Variants in MYO9B observed in about 807,000 individuals in gnomAD.
MYO9B encodes unconventional myosin-IXb.
MYO9B carries 71 observed loss-of-function variants against 229.5 expected under a neutral mutation model. The ratio of observed to expected loss-of-function variants is 0.31; its 90% CI spans 0.26 to 0.38. The LOEUF (loss-of-function observed/expected upper bound fraction) is 0.38. MYO9B is among the 10% of genes least tolerant of loss of function. The pLI, the probability that MYO9B is intolerant of heterozygous loss-of-function variation, is 1.00. For synonymous variants in MYO9B, 1,185 were observed against 1,235.8 expected (o/e 0.96, Z 0.86); for missense variants, 2,255 against 2,920.5 (o/e 0.77, Z 5.25).
intron 2 of MYO9B, among the ~76,000 whole-genome samples, chr19:17,122,932 C>T (rs2057978880): frequency 6.6e-6 from 1 of 152,084 alleles, no homozygotes; most frequent in Non-Finnish European, 1.5e-5. Context: ...CCTGTCTCTA[C>T]AATAATTAAA....
At chr19:17,202,937 A>G (rs961708988) in intron 29 of MYO9B, 54 bp downstream of exon 29, 5 of 1,567,028 alleles carry the variant, frequency 3.2e-6, no homozygotes, top group Admixed American at 3.7e-5. Flanking sequence ...TGGCAGGAGC[A>G]TGCACGTGTG....
intron 2 of MYO9B, among the ~76,000 whole-genome samples, chr19:17,113,445 C>T (rs1219567290): frequency 6.6e-6 from 1 of 152,190 alleles, no homozygotes; most frequent in Non-Finnish European, 1.5e-5. Context: ...TTCCCCCCTG[C>T]TCGCCCTGCG....
At chr19:17,190,253 G>C (rs1174145530) in intron 19 of MYO9B, among the ~76,000 whole-genome samples, 1 of 151,708 alleles carries the variant, frequency 6.6e-6, no homozygotes, top group East Asian at 2.0e-4. Context: ...GAGTACAGTG[G>C]TGTGATCTCG....
rs2073154882 is a variant in MYO9B at position 17,205,896 on chromosome 19, C to A, written c.5065-64C>A. Reference sequence around the variant, plus strand: ...TGTGCGGGACCAGGAGGCAGAGGCCCCCAGAGACAGCTGGAGAGGAAGACA... The same window carrying A: ...TGTGCGGGACCAGGAGGCAGAGGCCACCAGAGACAGCTGGAGAGGAAGACA... On this transcript the variant is annotated intron_variant, in intron 31 of 39. Transcript: ENST00000682292. 2.7e-6 allele frequency: 4 copies of A among 1,472,736 alleles called. No homozygotes were observed. The East Asian group carries it at 7.0e-5, about 26-fold the overall frequency. 91.2% of individuals were successfully genotyped at this position (1,472,736 alleles called of 1,614,324 possible).
intron 1 of MYO9B, among the ~76,000 whole-genome samples, chr19:17,079,830 G>A (rs989978791): frequency 1.3e-5 from 2 of 152,104 alleles, no homozygotes; most frequent in Admixed American, 1.3e-4. Context: ...CCATTCAGAC[G>A]GCCCCAGGCG....
rs754290603 is a variant in MYO9B at position 17,195,459 on chromosome 19, C to T, written c.4032C>T (p.Ala1344=). 3.1e-6 allele frequency: 5 copies of T among 1,598,482 alleles called. No individual in the cohort carries two copies. The South Asian group carries it at 5.5e-5, about 18-fold the overall frequency. Residue 1344 remains alanine, a synonymous_variant, in exon 22 of 40, where the codon GCC becomes GCT. Coordinates refer to ENST00000682292, the MANE Select transcript of MYO9B (RefSeq NM_004145.4). The surrounding 1 kb of genome is among the most constrained non-coding windows in gnomAD (Gnocchi z 4.5). ...LSDRHRATGA[A]LTPTEERRTS... is the part of the protein sequence containing the mutation. ...ACAGACACCGGGCCACAGGGGCCGC[C>T]CTCACGCCCACAGAGTAAGCCCCAC...
intron 17 of MYO9B, 48 bp from the exon 18 acceptor site, chr19:17,185,873 T>C: frequency 6.7e-7 from 1 of 1,492,596 alleles, no homozygotes; most frequent in Non-Finnish European, 9.3e-7. Flanking sequence ...GAACAGCGGC[T>C]GTCAGGGTCC....
intron 8 of MYO9B, 147 bp from the exon 9 acceptor site, chr19:17,162,203 G>A: frequency 3.2e-6 from 2 of 619,678 alleles, no homozygotes; most frequent in East Asian, 3.0e-5. Context: ...TACTTGGGAG[G>A]CTGAGACAGG....
intron 24 of MYO9B, among the ~76,000 whole-genome samples, chr19:17,198,734 CAA>C (rs59292415): frequency 0.057 from 2,314 of 40,916 alleles, 9 homozygotes; most frequent in South Asian, 0.091. Flanking sequence ...GACTCCGTCT[CAA>C]AAAAAAAAAA....
chr19:17,128,160 T>G (rs1302665375), intron 2 of MYO9B, among the ~76,000 whole-genome samples: 2 of 151,826 alleles, frequency 1.3e-5, no homozygotes, highest in African/African-American at 2.4e-5. Context: ...GAGAATCACT[T>G]GAGCCCAGGA....
intron 1 of MYO9B, among the ~76,000 whole-genome samples, chr19:17,087,149 T>A (rs73518841): frequency 0.023 from 3,568 of 152,178 alleles, 157 homozygotes; most frequent in African/African-American, 0.082. Context: ...GAAGGCAGCC[T>A]CCTCTGAAAC....
chr19:17,182,547 G>A (rs1306248230), intron 15 of MYO9B, among the ~76,000 whole-genome samples: 1 of 151,914 alleles, frequency 6.6e-6, no homozygotes, highest in African/African-American at 2.4e-5. Flanking sequence ...GGGATTACAG[G>A]TGTGCACCAC....
intron 13 of MYO9B, 130 bp downstream of exon 13, chr19:17,173,093 C>T (rs1386200151): frequency 8.9e-6 from 10 of 1,126,754 alleles, no homozygotes; most frequent in Non-Finnish European, 1.3e-5. Context: ...CACCTGTCTA[C>T]CTGAAGTGTT....
intron 15 of MYO9B, among the ~76,000 whole-genome samples, chr19:17,181,274 G>A (rs748850177): frequency 6.6e-6 from 1 of 152,246 alleles, no homozygotes; most frequent in African/African-American, 2.4e-5. Flanking sequence ...CTTCCCAGGA[G>A]CACTCCTTCT....
chr19:17,153,945 T>C, intron 4 of MYO9B, 22 bp from the exon 5 acceptor site: 1 of 1,598,224 alleles, frequency 6.3e-7, no homozygotes, highest in Non-Finnish European at 8.6e-7. Context: ...ACAACTATTT[T>C]CCTCCCAATT....
chr19:17,210,974 A>C (rs527566873), intron 38 of MYO9B, 126 bp downstream of exon 38: 65 of 824,732 alleles, frequency 7.9e-5, no homozygotes, highest in South Asian at 7.3e-4. Flanking sequence ...TGGGCAAACA[A>C]CACTTTTTTT....
intron 11 of MYO9B, 101 bp downstream of exon 11, chr19:17,168,165 G>T: frequency 6.8e-7 from 1 of 1,475,292 alleles, no homozygotes. Flanking sequence ...ACTTTCCCAA[G>T]AGCGCCTTTT....
intron 22 of MYO9B, among the ~76,000 whole-genome samples, chr19:17,197,288 A>C (rs1195568618): frequency 6.6e-6 from 1 of 151,976 alleles, no homozygotes; most frequent in Non-Finnish European, 1.5e-5. Flanking sequence ...AAAAAAAAAA[A>C]AAGATAGATA....
chr19:17,181,790 T>C (rs1443036640), intron 15 of MYO9B, among the ~76,000 whole-genome samples: 1 of 152,334 alleles, frequency 6.6e-6, no homozygotes, highest in Non-Finnish European at 1.5e-5. Context: ...TCGTTCTTTT[T>C]TTGAGACGGA....
Sources: allele counts gnomAD v4.1 joint callset (sites outside exome capture counted in the v4.1 genomes callset), GRCh38; gene constraint gnomAD v4.1.1; non-coding constraint Gnocchi (gnomAD v3.1); transcripts MANE v1.5; gene names NCBI Gene and HGNC (gene_info 2026-07-23, HGNC 2026-07-21).